The following ARHGEF1 variants were observed in gnomAD, a reference collection of about 807,000 sequenced individuals.
ARHGEF1 encodes Rho guanine nucleotide exchange factor 1.
ARHGEF1 carries 40 observed loss-of-function variants against 119.7 expected under a neutral mutation model. That is an observed-to-expected ratio of 0.33 (90% CI 0.26 to 0.44). The LOEUF (loss-of-function observed/expected upper bound fraction) is 0.44. Among genes scored for constraint, ARHGEF1 ranks in the 20% least tolerant of loss-of-function variants. ARHGEF1 has a pLI of 1.00. For synonymous variants in ARHGEF1, 494 were observed against 521.0 expected (o/e 0.95, Z 0.71); for missense variants, 976 against 1,268.3 (o/e 0.77, Z 3.50).
Position 41,892,879 on chromosome 19 carries a change from G to A in ARHGEF1, c.614+30G>A, listed in dbSNP as rs2074399819. The stretch of plus-strand genomic sequence containing the variant: ...GTAGGCCAGCCCTGGTGGGAGCGTC[G>A]CCCCTCCCCAGCACAAGGGCACCCG... On this transcript the variant is annotated intron_variant, in intron 7 of 28. Transcript: ENST00000354532. This position sits in a 1 kb window ranked among gnomAD's most constrained non-coding sequence, Gnocchi z 6.3. 4.1e-6 allele frequency: 6 copies of A among 1,466,064 alleles called. No individual in the cohort carries two copies. The highest frequency in any genetic ancestry group is 2.8e-5 in the African/African-American group (2 of 71,316). The allele number at this position is 1,466,064 out of a possible 1,614,324, so 90.8% of individuals were successfully genotyped here. A position where few individuals can be genotyped will look rare whatever the true frequency, so the allele number is the denominator to read the frequency against.
chr19:41,894,247 C>G lies in ARHGEF1; in HGVS notation c.685C>G (p.Leu229Val). The stretch of plus-strand genomic sequence containing the variant: ...CGCCATTGGCCTGTACATGCGCCAC[C>G]TTGGGGTGCGGACCAAGAGTGGAGA... ...VNAIGLYMRH[L>V]GVRTKSGDKK... Residue 229 changes from leucine to valine, a missense_variant, in exon 9 of 29, where the codon CTT becomes GTT. Around this residue, in one of 3 missense-constraint regions of ARHGEF1, gnomAD observed 519 missense variants for 580.9 expected, o/e 0.89. Transcript: ENST00000354532. The G allele has an allele frequency of 1.3e-6, 2 of 1,563,476 alleles. No individual in the cohort carries two copies. Among genetic ancestry groups the G allele is most frequent in the Non-Finnish European group, 1.7e-6 (2 of 1,152,320 alleles).
intron 4 of ARHGEF1, chr19:41,890,372 C>T (rs1555846000): frequency 6.7e-6 from 1 of 149,828 alleles, no homozygotes; most frequent in East Asian, 2.0e-4. Flanking sequence ...TGGGGCCGGG[C>T]ATGGTGGCTC....
In ARHGEF1 at chr19:41,892,953, T is replaced by G; in HGVS notation, c.614+104T>G. Reference sequence around the variant, plus strand: ...CCGTTTGCAGGTTCCCTCTTCAGGGTCAGAGTTCATTTCTTGGCACTGGGG... The same window carrying G: ...CCGTTTGCAGGTTCCCTCTTCAGGGGCAGAGTTCATTTCTTGGCACTGGGG... On this transcript the variant is annotated intron_variant, in intron 7 of 28. Transcript: ENST00000354532. This position sits in a 1 kb window ranked among gnomAD's most constrained non-coding sequence, Gnocchi z 6.3. 1 of 1,410,436 alleles carries G rather than the reference T, an allele frequency of 7.1e-7. No individual in the cohort carries two copies. The highest frequency in any genetic ancestry group is 9.3e-7 in the Non-Finnish European group (1 of 1,079,096). The allele number at this position is 1,410,436 out of a possible 1,614,324, so 87.4% of individuals were successfully genotyped here.
intron 18 of ARHGEF1, among the ~76,000 whole-genome samples, chr19:41,913,899 CCT>C (rs1286699439): frequency 6.6e-6 from 1 of 151,182 alleles, no homozygotes; most frequent in African/African-American, 2.4e-5. Flanking sequence ...CACTTCAGCC[CCT>C]CACTGCCACC....
intron 13 of ARHGEF1, chr19:41,898,156 G>A (rs1230662480): frequency 1.2e-4 from 166 of 1,407,052 alleles, no homozygotes; most frequent in Non-Finnish European, 1.4e-4. Context: ...AAGGCAGCCT[G>A]GAGAATCAGG....
At position 41,896,421 on chromosome 19, in the gene ARHGEF1, C is replaced by G; in HGVS notation, c.1060C>G (p.Pro354Ala). ...GCTGGGGGACTCATCCCCGCAGGGCCCAATGAGCCTGGAGTCCTTGGCGCC... is the reference window on the plus strand; with the variant it reads ...GCTGGGGGACTCATCCCCGCAGGGCGCAATGAGCCTGGAGTCCTTGGCGCC... The part of the protein sequence containing the change: ...LELGDSSPQG[P>A]MSLESLAPPE... Residue 354 changes from proline (P) to alanine (A), a missense_variant, in exon 13 of 29, where the codon CCA (proline) becomes GCA (alanine). Physicochemically the swap from Pro to Ala is conservative, Grantham distance 27 (BLOSUM62 -1). Coordinates refer to ENST00000354532, the MANE Select transcript of ARHGEF1 (RefSeq NM_004706.4). The G allele has an allele frequency of 6.8e-7, 1 of 1,470,606 alleles. No homozygotes were observed. Among genetic ancestry groups the G allele is most frequent in the Non-Finnish European group, 9.0e-7 (1 of 1,111,738 alleles). The allele number at this position is 1,470,606 out of a possible 1,614,324, so 91.1% of individuals were successfully genotyped here. A position where few individuals can be genotyped will look rare whatever the true frequency, so the allele number is the denominator to read the frequency against.
At chr19:41,908,099 A>G, downstream of ARHGEF1, 1 of 658,508 alleles carries the variant, frequency 1.5e-6, no homozygotes, top group Non-Finnish European at 2.2e-6. This position sits in a 1 kb window ranked among gnomAD's most constrained non-coding sequence, Gnocchi z 6.7. Context: ...GGGGAAGGAG[A>G]CTGGGGCAGC....
At position 41,903,843 on chromosome 19, in the gene ARHGEF1, T is replaced by A; in HGVS notation, c.1917+59T>A. The A allele has an allele frequency of 6.4e-7, 1 of 1,565,168 alleles. No individual in the cohort carries two copies. Among genetic ancestry groups the A allele is most frequent in the Non-Finnish European group, 8.8e-7 (1 of 1,138,310 alleles). On this transcript the variant is annotated intron_variant, in intron 20 of 28. Coordinates refer to ENST00000354532, the MANE Select transcript of ARHGEF1 (RefSeq NM_004706.4). This position sits in a 1 kb window ranked among gnomAD's most constrained non-coding sequence, Gnocchi z 4.2. ...CTACTCCTTGGCCCAGGGGATTCTGTGATACAGCCCCCAGCCTGTCCTGCC... is the reference window on the plus strand; with the variant it reads ...CTACTCCTTGGCCCAGGGGATTCTGAGATACAGCCCCCAGCCTGTCCTGCC...
upstream of ARHGEF1, among the ~76,000 whole-genome samples, chr19:41,920,504 TCAGACATGACACGCTCA>T (rs2074835869): frequency 7.5e-6 from 1 of 133,024 alleles, no homozygotes; most frequent in South Asian, 2.9e-4. Context: ...CATGACGCAC[TCAGACATGACACGCTCA>T]CAGACATGAT....
At chr19:41,921,620 G>A (rs777378333), upstream of ARHGEF1, among the ~76,000 whole-genome samples, 28 of 152,082 alleles carry the variant, frequency 1.8e-4, no homozygotes, top group Admixed American at 7.2e-4. The surrounding 1 kb of genome is among the most constrained non-coding windows in gnomAD (Gnocchi z 4.4). Context: ...AGCGAGGGCC[G>A]CACCGGAGAC....
At chr19:41,894,092 C>G (rs1429026969) in intron 8 of ARHGEF1, 115 bp from the exon 9 acceptor site, 3 of 654,632 alleles carry the variant, frequency 4.6e-6, no homozygotes, top group Middle Eastern at 4.5e-4. Context: ...ATGGGAAGGC[C>G]GGGCCTCTGC....
chr19:41,894,274 A>T lies in ARHGEF1; in HGVS notation c.712A>T (p.Lys238Ter). ...HLGVRTKSGD[K>*]KSGRNFFRKK... ...TGGGGTGCGGACCAAGAGTGGAGACAAGAAGTCGGGGAGGAACTTCTTCCG... is the reference window on the plus strand; with the variant it reads ...TGGGGTGCGGACCAAGAGTGGAGACTAGAAGTCGGGGAGGAACTTCTTCCG... The change falls in exon 9 of 29, where the codon AAG (lysine) becomes TAG (stop). Residue 238 changes from lysine to a stop codon, truncating the protein, a stop_gained. Transcript: ENST00000354532. LOFTEE classifies it high-confidence loss of function. The T allele has an allele frequency of 6.4e-7, 1 of 1,570,952 alleles. No homozygotes were observed. Among genetic ancestry groups the T allele is most frequent in the Non-Finnish European group, 8.7e-7 (1 of 1,153,892 alleles).
At chr19:41,921,086 G>A (rs1171935500), upstream of ARHGEF1, among the ~76,000 whole-genome samples, 5 of 152,174 alleles carry the variant, frequency 3.3e-5, no homozygotes, top group East Asian at 3.9e-4. This position sits in a 1 kb window ranked among gnomAD's most constrained non-coding sequence, Gnocchi z 4.4. Context: ...GGTGGGAGCC[G>A]CAGTGCCACG....
chr19:41,919,076 ACAT>A (rs782020286), upstream of ARHGEF1, among the ~76,000 whole-genome samples: 4 of 150,950 alleles, frequency 2.6e-5, no homozygotes, highest in Non-Finnish European at 5.9e-5. Context: ...ACACCCACAC[ACAT>A]TACACCACAC....
downstream of ARHGEF1, among the ~76,000 whole-genome samples, chr19:41,910,542 T>C (rs2074746040): frequency 6.6e-6 from 1 of 152,132 alleles, no homozygotes; most frequent in African/African-American, 2.4e-5. The surrounding 1 kb of genome is among the most constrained non-coding windows in gnomAD (Gnocchi z 4.4). Flanking sequence ...CCCCATTCCC[T>C]GTCCCCTGCT....
chr19:41,909,517 G>T (rs1350122124), downstream of ARHGEF1: 13 of 1,241,784 alleles, frequency 1.0e-5, no homozygotes, highest in Admixed American at 4.0e-4. The surrounding 1 kb of genome is among the most constrained non-coding windows in gnomAD (Gnocchi z 5.2). Context: ...GGGAGCCCTG[G>T]GGCGGGATCT....
At position 41,923,156 on chromosome 19, in the gene ARHGEF1, T is replaced by C. The variant is rs946959771; in HGVS notation, c.65T>C (p.Val22Ala). 5 of 456,436 alleles carry C rather than the reference T, an allele frequency of 1.1e-5. No homozygotes were observed. In the Admixed American group the frequency reaches 1.2e-4, roughly 11 times the overall value. The allele number at this position is 456,436 out of a possible 1,614,324, so 28.3% of individuals were successfully genotyped here. A position where few individuals can be genotyped will look rare whatever the true frequency, so the allele number is the denominator to read the frequency against. ...ATGATGGATGCCCATTTCACAGATG[T>C]GGAAACTGAGGTTCTGACAGGAAAA... is the stretch of plus-strand genomic sequence containing the variant. The change falls in exon 1 of 3, where the codon GTG becomes GCG. Residue 22 changes from valine to alanine, a missense_variant. Coordinates refer to the ARHGEF1 transcript ENST00000594417.
At position 41,914,666 on chromosome 19, in the gene ARHGEF1, C is replaced by A. The variant is rs1476713183; in HGVS notation, c.1865+7863C>A. On this transcript the variant is annotated intron_variant, in intron 18 of 20. Coordinates refer to the ARHGEF1 transcript ENST00000599589. ...CCCTCCCTTTCCACCATCTCTGTCT[C>A]TCCCTCCCCTTCCACCATCTCTGTC... 1.1e-3 allele frequency among the ~76,000 whole-genome samples: 37 copies of A among 32,736 alleles called. 3 individuals are homozygous for A. Among genetic ancestry groups the A allele is most frequent in the African/African-American group, 5.2e-3 (14 of 2,704 alleles). 21.5% of individuals were successfully genotyped at this position (32,736 alleles called of 152,430 possible). A position where few individuals can be genotyped will look rare whatever the true frequency, so the allele number is the denominator to read the frequency against.
intron 1 of ARHGEF1, chr19:41,884,463 C>T (rs560233578): frequency 1.9e-6 from 3 of 1,606,902 alleles, no homozygotes; most frequent in Non-Finnish European, 1.7e-6. Flanking sequence ...GTTCCGGTGG[C>T]GGCGATGGCT....
Sources: allele counts gnomAD v4.1 joint callset (sites outside exome capture counted in the v4.1 genomes callset), GRCh38; gene constraint gnomAD v4.1.1; regional missense constraint gnomAD v4.1.1; non-coding constraint Gnocchi (gnomAD v3.1); transcripts MANE v1.5; gene names NCBI Gene and HGNC (gene_info 2026-07-23, HGNC 2026-07-21).